PDZRN4: variants seen among roughly 807,000 people sequenced by gnomAD.
PDZRN4 encodes the protein PDZ domain containing ring finger 4, also known as PDZ domain-containing RING finger protein 4.
A neutral mutation model predicts 99.0 loss-of-function variants in PDZRN4; 70 were observed. The ratio of observed to expected loss-of-function variants is 0.71; its 90% confidence interval spans 0.58 to 0.86. The LOEUF (loss-of-function observed/expected upper bound fraction) is 0.86, where lower values mean the gene tolerates loss of function less well. Among genes scored for constraint, PDZRN4 ranks in the 40% least tolerant of loss-of-function variants. The pLI is 0.00. For synonymous variants in PDZRN4, 551 were observed against 501.6 expected (o/e 1.10, Z -1.32); for missense variants, 1,474 against 1,331.2 (o/e 1.11, Z -1.67).
At chr12:41,529,312 A>C (rs948018664) in intron 5 of PDZRN4, among the ~76,000 whole-genome samples, 8 of 152,128 alleles carry the variant, frequency 5.3e-5, no homozygotes, top group African/African-American at 9.7e-5. Flanking sequence ...TCCCTTTATA[A>C]GCTGAAGGAA....
intron 3 of PDZRN4, among the ~76,000 whole-genome samples, chr12:41,301,385 T>C (rs1185765020): frequency 6.6e-6 from 1 of 152,074 alleles, no homozygotes; most frequent in Non-Finnish European, 1.5e-5. Flanking sequence ...ATTATTGCCA[T>C]GATGAGGACT....
At chr12:41,445,688 G>C (rs1400632302) in intron 3 of PDZRN4, among the ~76,000 whole-genome samples, 2 of 147,094 alleles carry the variant, frequency 1.4e-5, no homozygotes, top group Non-Finnish European at 3.0e-5. Flanking sequence ...ATGGGGAAAA[G>C]TGAGCACATT....
intron 3 of PDZRN4, among the ~76,000 whole-genome samples, chr12:41,362,554 C>G (rs1365928661): frequency 6.6e-6 from 1 of 151,968 alleles, no homozygotes; most frequent in African/African-American, 2.4e-5. Context: ...TCTATTCTTT[C>G]ACAGAGTAGC....
At chr12:41,245,920 T>C (rs749775771) in intron 3 of PDZRN4, among the ~76,000 whole-genome samples, 1 of 152,138 alleles carries the variant, frequency 6.6e-6, no homozygotes, top group African/African-American at 2.4e-5. Flanking sequence ...AGTTGGGTGA[T>C]AGAAGGTGAG....
intron 3 of PDZRN4, among the ~76,000 whole-genome samples, chr12:41,374,815 A>G (rs575401488): frequency 6.6e-6 from 1 of 152,328 alleles, no homozygotes; most frequent in South Asian, 2.1e-4. Flanking sequence ...CTACTCTCTT[A>G]AAGAGGTGAA....
chr12:41,560,204 C>A (rs192128508), intron 7 of PDZRN4, among the ~76,000 whole-genome samples: 4 of 152,252 alleles, frequency 2.6e-5, no homozygotes, highest in South Asian at 2.1e-4. Flanking sequence ...TGAAATAAAT[C>A]TTTTCTTATT....
At chr12:41,332,667 A>G (rs563070302) in intron 3 of PDZRN4, among the ~76,000 whole-genome samples, 2 of 150,912 alleles carry the variant, frequency 1.3e-5, no homozygotes, top group Non-Finnish European at 1.5e-5. Context: ...ATCAAGAGGA[A>G]TGACCAAGAA....
Position 41,572,455 on chromosome 12 carries a change from A to T in PDZRN4, c.1676A>T (p.Asp559Val). The T allele has an allele frequency of 6.2e-7, 1 of 1,614,168 alleles. No homozygotes were observed. Among genetic ancestry groups the T allele is most frequent in the Middle Eastern group, 1.6e-4 (1 of 6,062 alleles). The change falls in exon 10 of 10, where the codon GAT becomes GTT. Residue 559 changes from aspartate to valine, a missense_variant. Transcript: ENST00000402685. ...AAGGACAGTGGAGTAGGACGTACAG[A>T]TGAAAGCTTGCGAAATGATGAGAGC... ...HEKDSGVGRT[D>V]ESLRNDESSE... is the part of the protein sequence containing the mutation.
intron 3 of PDZRN4, among the ~76,000 whole-genome samples, chr12:41,292,449 T>G (rs1262016840): frequency 2.6e-5 from 4 of 152,118 alleles, no homozygotes; most frequent in Non-Finnish European, 5.9e-5. Context: ...CTGTAAGAAA[T>G]GTTCACTTAC....
At chr12:41,263,292 C>T (rs1951255031) in intron 3 of PDZRN4, among the ~76,000 whole-genome samples, 1 of 152,136 alleles carries the variant, frequency 6.6e-6, no homozygotes, top group Admixed American at 6.5e-5. Context: ...GTTGCTCATG[C>T]CTGTAATCCC....
chr12:41,324,195 A>G (rs1382953017), intron 3 of PDZRN4, among the ~76,000 whole-genome samples: 4 of 152,106 alleles, frequency 2.6e-5, no homozygotes, highest in African/African-American at 4.8e-5. Context: ...ATTCCTCTGC[A>G]TGAGATTTTG....
At chr12:41,396,803 TTG>T (rs1952249257) in intron 3 of PDZRN4, among the ~76,000 whole-genome samples, 1 of 152,218 alleles carries the variant, frequency 6.6e-6, no homozygotes, top group African/African-American at 2.4e-5. Context: ...TTTCTTCATA[TTG>T]CTGAAGAATC....
intron 3 of PDZRN4, among the ~76,000 whole-genome samples, chr12:41,292,025 C>T (rs918010163): frequency 1.3e-5 from 2 of 152,156 alleles, no homozygotes; most frequent in Non-Finnish European, 2.9e-5. Context: ...TTGTGTTTGG[C>T]AGTCTTCATC....
At chr12:41,211,836 A>G (rs1236211675) in intron 3 of PDZRN4, among the ~76,000 whole-genome samples, 1 of 151,832 alleles carries the variant, frequency 6.6e-6, no homozygotes, top group African/African-American at 2.4e-5. Flanking sequence ...GAGACCAGAA[A>G]CCCATCACGA....
intron 3 of PDZRN4, among the ~76,000 whole-genome samples, chr12:41,368,281 G>A (rs1424001898): frequency 6.6e-6 from 1 of 152,018 alleles, no homozygotes; most frequent in Non-Finnish European, 1.5e-5. Flanking sequence ...GTGCAGGACA[G>A]GATGTTTTCT....
chr12:41,256,487 G>T (rs1391912376), intron 3 of PDZRN4, among the ~76,000 whole-genome samples: 14 of 152,086 alleles, frequency 9.2e-5, no homozygotes, highest in Admixed American at 9.2e-4. Context: ...TAGAAACCTG[G>T]AGCAACATAT....
intron 3 of PDZRN4, among the ~76,000 whole-genome samples, chr12:41,215,585 T>C (rs934920999): frequency 5.3e-5 from 8 of 152,078 alleles, no homozygotes; most frequent in Non-Finnish European, 1.2e-4. Context: ...TTCTGGCTGA[T>C]AATTCACTGT....
At chr12:41,572,284 G>A in intron 9 of PDZRN4, 80 bp from the exon 10 acceptor site, 1 of 1,220,656 alleles carries the variant, frequency 8.2e-7, no homozygotes, top group Non-Finnish European at 1.1e-6. Flanking sequence ...AGGAAACATT[G>A]GTTTTCAAAC....
rs540599111 is a variant in PDZRN4 at position 41,482,062 on chromosome 12, A to G, written c.844-24394A>G. On this transcript the variant is annotated intron_variant, in intron 3 of 9. Coordinates refer to ENST00000402685, the MANE Select transcript of PDZRN4 (RefSeq NM_001164595.2). ...TCAAATTCATTTTGATCATATCAAA[A>G]CATTCCACAAATAACTGTTCCTAGC... 2.6e-5 allele frequency among the ~76,000 whole-genome samples: 4 copies of G among 152,260 alleles called. No individual in the cohort carries two copies. In the East Asian group the frequency reaches 7.7e-4, roughly 29 times the overall value.
Sources: allele counts gnomAD v4.1 joint callset (sites outside exome capture counted in the v4.1 genomes callset), GRCh38; gene constraint gnomAD v4.1.1; transcripts MANE v1.5; gene names NCBI Gene and HGNC (gene_info 2026-07-23, HGNC 2026-07-21).